The following APPL1 variants were observed in gnomAD, a reference collection of about 807,000 sequenced individuals.
The protein encoded by APPL1 is DCC-interacting protein 13-alpha.
Under a neutral mutation model 106.8 loss-of-function variants are expected in APPL1, and 42 were observed. The observed-to-expected ratio is 0.39, with a 90% CI of 0.31 to 0.51. APPL1 has a LOEUF of 0.51. Ranked by LOEUF, APPL1 falls within the 20% of genes least tolerant of loss-of-function variation. The probability of loss-of-function intolerance (pLI) is 0.75; values close to 1 mark genes in which losing one functional copy is unlikely to be tolerated. For synonymous variants in APPL1, 263 were observed against 281.8 expected (o/e 0.93, Z 0.67); for missense variants, 769 against 858.2 (o/e 0.90, Z 1.30).
At chr3:57,253,810 A>ATTCATAAT (rs1232930991) in intron 13 of APPL1, 72 bp downstream of exon 13, 1 of 1,240,786 alleles carries the variant, frequency 8.1e-7, no homozygotes, top group Non-Finnish European at 1.1e-6. Context: ...GTTTTTATTA[A>ATTCATAAT]TTCATAATTT....
chr3:57,270,239 G>T lies in APPL1; in HGVS notation c.*552G>T, dbSNP rs915169822. The T allele has an allele frequency of 2.0e-5, 3 of 152,680 alleles. No homozygotes were observed. The highest frequency in any genetic ancestry group is 7.2e-5 in the African/African-American group (3 of 41,452). 9.5% of individuals were successfully genotyped at this position (152,680 alleles called of 1,614,324 possible). On this transcript the variant is annotated 3_prime_UTR_variant, in exon 22 of 22. Transcript: ENST00000288266. ...TTTTACAGTTAAGGTTTCAAATTGT[G>T]GCAGGTGGTACTGTTGATCTCAGGG...
At chr3:57,259,804 C>T (rs2060855621) in intron 16 of APPL1, 41 bp from the exon 17 acceptor site, 3 of 1,410,014 alleles carry the variant, frequency 2.1e-6, no homozygotes, top group Non-Finnish European at 2.8e-6. Context: ...TAAATTTATA[C>T]AGTAAAAAAA....
rs1579386557 is a variant in APPL1, at chr3:57,242,979, T to G, written c.474+65T>G. ...ATTCATTAGGTGGTTTAGTTTTTCC[T>G]CTATCAAAATAGAGCCAGCAGTTAC... On this transcript the variant is annotated intron_variant, in intron 7 of 21. Transcript: ENST00000288266. 17 of 1,194,316 alleles carry G rather than the reference T, an allele frequency of 1.4e-5. No individual in the cohort carries two copies. The East Asian group carries it at 4.0e-4, about 28-fold the overall frequency. 74.0% of individuals were successfully genotyped at this position (1,194,316 alleles called of 1,614,324 possible). A position where few individuals can be genotyped will look rare whatever the true frequency, so the allele number is the denominator to read the frequency against.
At position 57,252,282 on chromosome 3, in the gene APPL1, C is replaced by G; in HGVS notation, c.1066C>G (p.Gln356Glu). Residue 356 changes from glutamine (Q) to glutamate (E), a missense_variant, in exon 12 of 22, where the codon CAA becomes GAA. Transcript: ENST00000288266. ...SFDGKKSSIL[Q>E]AESKKDHEEW... ...CTTCTCTTCCAGATCTTCAATTTTG[C>G]AAGCAGAGAGTAAAAAAGATCATGA... 6.2e-7 allele frequency: 1 copy of G among 1,608,784 alleles called. No homozygotes were observed. Among genetic ancestry groups the G allele is most frequent in the Non-Finnish European group, 8.5e-7 (1 of 1,177,950 alleles).
chr3:57,229,699 C>G (rs1413502560), intron 1 of APPL1, among the ~76,000 whole-genome samples: 1 of 93,138 alleles, frequency 1.1e-5, no homozygotes, highest in Admixed American at 1.1e-4. Flanking sequence ...ACTGTGCCAG[C>G]TTTTTTTTTT....
intron 2 of APPL1, among the ~76,000 whole-genome samples, chr3:57,236,827 A>G (rs1005907765): frequency 7.2e-5 from 11 of 152,192 alleles, no homozygotes; most frequent in African/African-American, 2.2e-4. Flanking sequence ...AGGTTCTGTA[A>G]TATACTTTCT....
At chr3:57,268,724 T>TA in intron 21 of APPL1, 2 of 268,902 alleles carry the variant, frequency 7.4e-6, no homozygotes, top group Non-Finnish European at 1.3e-5. Flanking sequence ...AGAACTTTAA[T>TA]ATTTCAGAGG....
chr3:57,264,505 A>G (rs984693826), intron 19 of APPL1, among the ~76,000 whole-genome samples: 12 of 151,768 alleles, frequency 7.9e-5, no homozygotes, highest in African/African-American at 2.9e-4. Flanking sequence ...TAGTAGTTTC[A>G]TAGTTCAAGG....
chr3:57,249,585 A>G (rs764907075), intron 11 of APPL1, 37 bp downstream of exon 11: 2 of 1,452,032 alleles, frequency 1.4e-6, no homozygotes, highest in Non-Finnish European at 1.8e-6. Context: ...AATCTATAGT[A>G]TATTAAACTT....
intron 8 of APPL1, among the ~76,000 whole-genome samples, chr3:57,247,001 A>AG (rs1228249835): frequency 6.6e-6 from 1 of 152,028 alleles, no homozygotes; most frequent in Non-Finnish European, 1.5e-5. Context: ...AAAAAAAAAA[A>AG]AAAAAATTGA....
In APPL1 at chr3:57,227,855, T is replaced by G. The variant is rs1272588396; in HGVS notation, c.-29T>G. 1 of 1,452,328 alleles carries G rather than the reference T, an allele frequency of 6.9e-7. No individual in the cohort carries two copies. The highest frequency in any genetic ancestry group is 1.3e-5 in the South Asian group (1 of 76,376). The allele number at this position is 1,452,328 out of a possible 1,614,324, so 90.0% of individuals were successfully genotyped here. ...CGGGGAGCTGTGGGCGGCAGCTGCG[T>G]CTCCTGCCACCGCCCTCCCTCCGCC... On this transcript the variant is annotated 5_prime_UTR_variant, in exon 1 of 22. Coordinates refer to ENST00000288266, the MANE Select transcript of APPL1 (RefSeq NM_012096.3).
intron 9 of APPL1, 101 bp from the exon 10 acceptor site, chr3:57,248,091 CT>C (rs774082117): frequency 1.4e-5 from 18 of 1,253,980 alleles, no homozygotes; most frequent in Non-Finnish European, 1.7e-5. Flanking sequence ...CGCTCTTCCT[CT>C]CTTTAAGAAA....
chr3:57,265,407 C>T (rs1165808831), intron 19 of APPL1, among the ~76,000 whole-genome samples: 1 of 152,212 alleles, frequency 6.6e-6, no homozygotes, highest in Non-Finnish European at 1.5e-5. Context: ...GTCTCGGCCT[C>T]CCAAAGTGCT....
Position 57,269,683 on chromosome 3 carries a change from C to T in APPL1, c.2126C>T (p.Ala709Val), listed in dbSNP as rs1390001153. The T allele has an allele frequency of 1.9e-6, 3 of 1,613,656 alleles. No homozygotes were observed. In the African/African-American group the frequency reaches 4.0e-5, roughly 22 times the overall value. Residue 709 changes from alanine (A) to valine (V), a missense_variant, in exon 22 of 22, where the codon GCA becomes GTA. Ala to Val is a moderately conservative substitution (Grantham distance 64). Coordinates refer to ENST00000288266, the MANE Select transcript of APPL1 (RefSeq NM_012096.3). The part of the protein sequence containing the change: ...GEGGKKRESE[A>V] ...GGAGGAAAGAAGAGAGAATCAGAAG[C>T]ATAAGCTTATACTTTTGGTAGATAT...
intron 12 of APPL1, among the ~76,000 whole-genome samples, chr3:57,252,596 A>G (rs2060810344): frequency 6.6e-6 from 1 of 152,162 alleles, no homozygotes; most frequent in Non-Finnish European, 1.5e-5. Flanking sequence ...GGCTGTTAGT[A>G]TCATGAGGTG....
At position 57,238,106 on chromosome 3, in the gene APPL1, T is replaced by G. The variant is rs1195006912; in HGVS notation, c.275T>G (p.Val92Gly). Residue 92 changes from valine (V) to glycine (G), a missense_variant, in exon 4 of 22, where the codon GTT (valine) becomes GGT (glycine). Transcript: ENST00000288266. ...MSSTLQQFSK[V>G]IDELSSCHAV... Reference sequence around the variant, plus strand: ...TCTACATTGCAACAGTTTTCAAAAGTTATAGATGAGGTAAACGTTTATTTT... The same window carrying G: ...TCTACATTGCAACAGTTTTCAAAAGGTATAGATGAGGTAAACGTTTATTTT... The G allele has an allele frequency of 1.9e-6, 3 of 1,609,496 alleles. No homozygotes were observed. The highest frequency in any genetic ancestry group is 2.5e-6 in the Non-Finnish European group (3 of 1,177,930).
chr3:57,241,858 T>A (rs1013250233), intron 5 of APPL1, among the ~76,000 whole-genome samples: 5 of 152,374 alleles, frequency 3.3e-5, no homozygotes, highest in Admixed American at 2.6e-4. Context: ...AGTGGGTTTT[T>A]AAATTTGTTT....
In APPL1 at chr3:57,227,781, C is replaced by A. The variant is rs935374333; in HGVS notation, c.-103C>A. ...CTGTGCGGGCGGGGACGGCTGCAGC[C>A]CTTGCCGGAGAGGGCGGGCCGGGGT... On this transcript the variant is annotated 5_prime_UTR_variant, in exon 1 of 22. Transcript: ENST00000288266. The A allele has an allele frequency of 1.1e-5, 11 of 1,045,892 alleles. No homozygotes were observed. The highest frequency in any genetic ancestry group is 1.4e-5 in the Non-Finnish European group (11 of 779,616). 64.8% of individuals were successfully genotyped at this position (1,045,892 alleles called of 1,614,324 possible).
At chr3:57,233,149 T>A (rs2107595817) in intron 1 of APPL1, among the ~76,000 whole-genome samples, 1 of 152,332 alleles carries the variant, frequency 6.6e-6, no homozygotes, top group East Asian at 1.9e-4. Flanking sequence ...GAAGGTCTGT[T>A]TTCATAAATA....
Sources: allele counts gnomAD v4.1 joint callset (sites outside exome capture counted in the v4.1 genomes callset), GRCh38; gene constraint gnomAD v4.1.1; transcripts MANE v1.5; gene names NCBI Gene and HGNC (gene_info 2026-07-23, HGNC 2026-07-21).